The following LEMD1 variants were observed in gnomAD, a reference collection of about 807,000 sequenced individuals.
LEMD1 encodes the protein LEM domain-containing protein 1.
A neutral mutation model predicts 17.4 loss-of-function variants in LEMD1; 18 were observed. The observed-to-expected ratio is 1.04, with a 90% CI of 0.72 to 1.54. The LOEUF is 1.54. Ranked by LOEUF, LEMD1 falls within the 40% of genes most tolerant of loss-of-function variation. The probability of loss-of-function intolerance (pLI) is 0.00; values close to 1 mark genes in which losing one functional copy is unlikely to be tolerated. For synonymous variants in LEMD1, 88 were observed against 77.8 expected, an observed-to-expected ratio of 1.13 and a Z score of -0.69; for missense variants, 195 against 210.4, an observed-to-expected ratio of 0.93 and a Z score of 0.45.
intron 1 of LEMD1, among the ~76,000 whole-genome samples, chr1:205,442,890 T>C (rs1666319630): frequency 6.6e-6 from 1 of 152,180 alleles, no homozygotes; most frequent in African/African-American, 2.4e-5. Flanking sequence ...TGGGTTCTAT[T>C]CCTGGCTCTG....
intron 4 of LEMD1, among the ~76,000 whole-genome samples, chr1:205,403,847 A>AAGAACTCCAGACGAC (rs1664966284): frequency 6.6e-6 from 1 of 151,972 alleles, no homozygotes; most frequent in Non-Finnish European, 1.5e-5. Context: ...TTAGTGCTAT[A>AAGAACTCCAGACGAC]AATTTCCCTC....
intron 1 of LEMD1, among the ~76,000 whole-genome samples, chr1:205,443,331 G>T (rs1302454459): frequency 6.6e-6 from 1 of 152,138 alleles, no homozygotes; most frequent in Non-Finnish European, 1.5e-5. Context: ...CCTTTTCAAT[G>T]ACTGTTCTTT....
At chr1:205,436,896 T>A (rs1284822299) in intron 1 of LEMD1, 1 of 152,282 alleles carries the variant, frequency 6.6e-6, no homozygotes, top group Non-Finnish European at 1.5e-5. Flanking sequence ...ATCTGATAAG[T>A]GTGCCCTTTA....
chr1:205,414,443 G>C (rs974455970), intron 4 of LEMD1, among the ~76,000 whole-genome samples: 1 of 148,484 alleles, frequency 6.7e-6, no homozygotes, highest in Non-Finnish European at 1.5e-5. Flanking sequence ...AGTTTTTTTT[G>C]AGATGGGGTC....
chr1:205,430,245 A>G (rs1014709170), intron 1 of LEMD1, among the ~76,000 whole-genome samples: 1 of 152,142 alleles, frequency 6.6e-6, no homozygotes, highest in African/African-American at 2.4e-5. Flanking sequence ...AGGCCCGCCC[A>G]AGCGCTGACC....
chr1:205,387,931 A>G (rs1664115388), intron 4 of LEMD1, among the ~76,000 whole-genome samples: 1 of 152,252 alleles, frequency 6.6e-6, no homozygotes, highest in African/African-American at 2.4e-5. Context: ...ATTTTACATC[A>G]GTAAACTAAT....
chr1:205,413,341 G>A (rs1478164427), intron 4 of LEMD1, among the ~76,000 whole-genome samples: 1 of 152,006 alleles, frequency 6.6e-6, no homozygotes, highest in Admixed American at 6.6e-5. Context: ...AGGCTAGAGT[G>A]CAGTGGTGTC....
At chr1:205,412,128 C>T (rs980978537) in intron 4 of LEMD1, among the ~76,000 whole-genome samples, 4 of 152,166 alleles carry the variant, frequency 2.6e-5, no homozygotes, top group African/African-American at 9.7e-5. Flanking sequence ...ATAAATTATA[C>T]GGCCACCTTA....
At position 205,444,935 on chromosome 1, in the gene LEMD1, AAG is replaced by A. The variant is rs1371352538; in HGVS notation, c.-39+4931_-39+4932del. On this transcript the variant is annotated intron_variant, in intron 1 of 3. Coordinates refer to the LEMD1 transcript ENST00000367154. ...AAGGGCAAAAGAGAAGTGACCCAGT[AAG>A]GAGGGTGTGCCCTCGACGCCTCTAG... Among the ~76,000 whole-genome samples, 151 of 149,998 alleles carry A rather than the reference AAG, an allele frequency of 1.0e-3. 1 individual carries two copies. Among genetic ancestry groups the A allele is most frequent in the African/African-American group, 3.6e-3 (147 of 40,822 alleles).
chr1:205,429,751 A>G (rs946709995), intron 1 of LEMD1, among the ~76,000 whole-genome samples: 8 of 151,636 alleles, frequency 5.3e-5, no homozygotes, highest in African/African-American at 1.9e-4. Context: ...CTTACCCGAG[A>G]AGGGCATTTT....
chr1:205,407,583 T>G (rs908940797), intron 4 of LEMD1, among the ~76,000 whole-genome samples: 1 of 152,194 alleles, frequency 6.6e-6, no homozygotes, highest in African/African-American at 2.4e-5. Flanking sequence ...GCCCTAGACC[T>G]TGCCCCCTGC....
upstream of LEMD1, among the ~76,000 whole-genome samples, chr1:205,425,534 C>T (rs905170425): frequency 2.0e-5 from 3 of 152,158 alleles, no homozygotes; most frequent in Admixed American, 2.0e-4. Flanking sequence ...ACTCAAACCC[C>T]TTGGGAGTTC....
At chr1:205,403,617 G>A (rs145097464) in intron 4 of LEMD1, among the ~76,000 whole-genome samples, 2,031 of 151,842 alleles carry the variant, frequency 0.013, 38 homozygotes, top group African/African-American at 0.042. Flanking sequence ...TCTTGCTAGC[G>A]GTCTATCAAT....
At chr1:205,439,683 G>A (rs1341303999) in intron 1 of LEMD1, among the ~76,000 whole-genome samples, 1 of 152,170 alleles carries the variant, frequency 6.6e-6, no homozygotes, top group African/African-American at 2.4e-5. Flanking sequence ...GGAGCTAGAG[G>A]GGGTCTGACT....
chr1:205,418,135 T>A (rs565033327), intron 3 of LEMD1, among the ~76,000 whole-genome samples: 1 of 152,302 alleles, frequency 6.6e-6, no homozygotes, highest in African/African-American at 2.4e-5. Flanking sequence ...TCACTTGGCC[T>A]CTCTGAGCTT....
intron 4 of LEMD1, among the ~76,000 whole-genome samples, chr1:205,389,316 T>C (rs1052426572): frequency 6.6e-6 from 1 of 152,172 alleles, no homozygotes; most frequent in Non-Finnish European, 1.5e-5. Flanking sequence ...CCCAAAGTGC[T>C]GGGATTACAG....
At chr1:205,410,115 TC>T (rs1298135582) in intron 4 of LEMD1, among the ~76,000 whole-genome samples, 1 of 151,260 alleles carries the variant, frequency 6.6e-6, no homozygotes, top group Non-Finnish European at 1.5e-5. Context: ...AGAGATGGGT[TC>T]TTGTCATGTT....
At chr1:205,443,056 G>A (rs1666321604) in intron 1 of LEMD1, among the ~76,000 whole-genome samples, 1 of 152,168 alleles carries the variant, frequency 6.6e-6, no homozygotes, top group South Asian at 2.1e-4. Context: ...AGGGAGGGAG[G>A]GCAGGTGGAT....
chr1:205,383,664 C>T (rs1353545356), intron 5 of LEMD1, among the ~76,000 whole-genome samples: 5 of 143,850 alleles, frequency 3.5e-5, no homozygotes, highest in African/African-American at 1.0e-4. Context: ...GGCAGAGTCT[C>T]GCTCTGTCAC....
Sources: allele counts gnomAD v4.1 joint callset (sites outside exome capture counted in the v4.1 genomes callset), GRCh38; gene constraint gnomAD v4.1.1; transcripts MANE v1.5; gene names NCBI Gene and HGNC (gene_info 2026-07-23, HGNC 2026-07-21).